The following PTPRG variants were observed in gnomAD, a reference collection of about 807,000 sequenced individuals.
PTPRG encodes the protein protein tyrosine phosphatase receptor type G.
In PTPRG, 102 loss-of-function variants were observed where a neutral mutation model predicts 165.3. That is an observed-to-expected ratio of 0.62 (90% CI 0.53 to 0.73). PTPRG has a LOEUF of 0.73. Ranked by LOEUF, PTPRG falls within the 30% of genes least tolerant of loss-of-function variation. The pLI is 0.00. For synonymous variants in PTPRG, 675 were observed against 669.5 expected (o/e 1.01, Z -0.13); for missense variants, 1,866 against 1,861.4 (o/e 1.00, Z -0.05).
chr3:61,738,322 A>T (rs6808162), intron 1 of PTPRG, among the ~76,000 whole-genome samples: 1 of 46,736 alleles, frequency 2.1e-5, no homozygotes. Context: ...ACATATATAT[A>T]TATATATATA....
chr3:61,873,835 A>C (rs1020247702), intron 2 of PTPRG, among the ~76,000 whole-genome samples: 1 of 140,674 alleles, frequency 7.1e-6, no homozygotes, highest in African/African-American at 2.5e-5. Context: ...TTCTGGGTTT[A>C]TGTCCCAGCT....
chr3:62,288,206 A>C (rs2148899213), intron 28 of PTPRG, among the ~76,000 whole-genome samples: 1 of 152,064 alleles, frequency 6.6e-6, no homozygotes, highest in South Asian at 2.1e-4. Context: ...TAAACAAACC[A>C]AGCATTCAGC....
Position 61,638,591 on chromosome 3 carries a change from GTTTTTT to G in PTPRG, c.85+76241_85+76246del, listed in dbSNP as rs34396141. ...AGGCACACACCACCATGCCTGGCTAGTTTTTTTTTTTTTTTTTTTTTTTTTTTGGGG... is the reference window on the plus strand; with the variant it reads ...AGGCACACACCACCATGCCTGGCTAGTTTTTTTTTTTTTTTTTTTTTGGGG... On this transcript the variant is annotated intron_variant, in intron 1 of 29. Transcript: ENST00000474889. 9.0e-4 allele frequency among the ~76,000 whole-genome samples: 53 copies of G among 58,720 alleles called. 2 individuals carry two copies. The South Asian group carries it at 0.039, about 43-fold the overall frequency. The allele number at this position is 58,720 out of a possible 152,430, so 38.5% of individuals were successfully genotyped here.
chr3:62,173,949 G>T (rs886626165), intron 8 of PTPRG, among the ~76,000 whole-genome samples: 4 of 152,170 alleles, frequency 2.6e-5, no homozygotes, highest in Non-Finnish European at 5.9e-5. Context: ...GCTGAAGAAA[G>T]ACTTCTATAT....
intron 2 of PTPRG, among the ~76,000 whole-genome samples, chr3:61,859,693 C>G (rs1353297451): frequency 6.6e-6 from 1 of 151,946 alleles, no homozygotes; most frequent in African/African-American, 2.4e-5. Flanking sequence ...CAAATGACCC[C>G]CATATTGAAC....
intron 4 of PTPRG, among the ~76,000 whole-genome samples, chr3:62,043,159 C>T (rs1456765115): frequency 6.6e-6 from 1 of 152,080 alleles, no homozygotes. Context: ...CTGTTTAATT[C>T]GATCACATAA....
chr3:62,236,079 C>T (rs1304746036), intron 14 of PTPRG, among the ~76,000 whole-genome samples: 1 of 152,168 alleles, frequency 6.6e-6, no homozygotes, highest in East Asian at 1.9e-4. Context: ...GGAAGAGATA[C>T]TACAAGTGTA....
chr3:61,823,190 G>A (rs1313136840), intron 2 of PTPRG, among the ~76,000 whole-genome samples: 1 of 150,994 alleles, frequency 6.6e-6, no homozygotes. Flanking sequence ...GCACAGGTTT[G>A]TTTGTTTGTT....
chr3:62,254,349 G>T lies in PTPRG; in HGVS notation c.2468-775G>T, dbSNP rs903203423. Among the ~76,000 whole-genome samples the T allele has an allele frequency of 2.0e-4, 30 of 152,062 alleles. No individual in the cohort carries two copies. The highest frequency in any genetic ancestry group is 7.2e-4 in the African/African-American group (30 of 41,428). ...GAGGTTGGGGAGCTCCAGTTAGTTGGGTGTGGCTATTTTATAGCAGTACTC... is the reference window on the plus strand; with the variant it reads ...GAGGTTGGGGAGCTCCAGTTAGTTGTGTGTGGCTATTTTATAGCAGTACTC... On this transcript the variant is annotated intron_variant, in intron 15 of 29. Coordinates refer to ENST00000474889, the MANE Select transcript of PTPRG (RefSeq NM_002841.4). The surrounding 1 kb of genome is among the most constrained non-coding windows in gnomAD (Gnocchi z 4.6).
At chr3:61,919,772 T>G (rs940375375) in intron 2 of PTPRG, among the ~76,000 whole-genome samples, 8 of 152,168 alleles carry the variant, frequency 5.3e-5, no homozygotes, top group Admixed American at 1.3e-4. Context: ...GCCATAGAGT[T>G]TTTAAATAAA....
chr3:61,654,170 T>C (rs558139333), intron 1 of PTPRG, among the ~76,000 whole-genome samples: 3 of 152,288 alleles, frequency 2.0e-5, no homozygotes, highest in East Asian at 3.9e-4. Flanking sequence ...CCGTGGAGTC[T>C]GGGATGTGGG....
chr3:62,117,828 A>G (rs565364868), intron 5 of PTPRG, among the ~76,000 whole-genome samples: 2 of 152,348 alleles, frequency 1.3e-5, no homozygotes, highest in South Asian at 2.1e-4. Context: ...TTGCAGTACA[A>G]TACATCCTAG....
chr3:61,697,709 T>TC lies in PTPRG; in HGVS notation c.86-51163dup, dbSNP rs201864132. 1.0e-3 allele frequency among the ~76,000 whole-genome samples: 152 copies of TC among 152,222 alleles called. No individual in the cohort carries two copies. In the East Asian group the frequency reaches 0.021, roughly 21 times the overall value. ...TTGTCTGTCCTTTGGGCTCATTCAT[T>TC]CCCCCCTAAAAATCATTTATTGCTC... On this transcript the variant is annotated intron_variant, in intron 1 of 29. Transcript: ENST00000474889.
intron 2 of PTPRG, among the ~76,000 whole-genome samples, chr3:61,928,276 G>T (rs2039276034): frequency 6.6e-6 from 1 of 152,162 alleles, no homozygotes; most frequent in Non-Finnish European, 1.5e-5. Flanking sequence ...GTGAAATACA[G>T]CATGCCTAGT....
chr3:61,996,701 TG>T (rs1299673393), intron 3 of PTPRG, among the ~76,000 whole-genome samples: 1 of 152,234 alleles, frequency 6.6e-6, no homozygotes, highest in Non-Finnish European at 1.5e-5. Context: ...GAATGCTAAG[TG>T]TGCTTTTGCT....
chr3:61,741,078 C>T (rs2032964123), intron 1 of PTPRG, among the ~76,000 whole-genome samples: 1 of 151,970 alleles, frequency 6.6e-6, no homozygotes, highest in Non-Finnish European at 1.5e-5. Flanking sequence ...ATACTTTTGC[C>T]CATTGTAGGC....
intron 1 of PTPRG, among the ~76,000 whole-genome samples, chr3:61,584,783 G>A (rs1318922364): frequency 3.3e-5 from 5 of 152,092 alleles, no homozygotes; most frequent in African/African-American, 9.6e-5. Flanking sequence ...GCCCTCACAC[G>A]GAATCTTATT....
intron 2 of PTPRG, among the ~76,000 whole-genome samples, chr3:61,974,518 A>G (rs1297575141): frequency 1.3e-5 from 2 of 152,052 alleles, no homozygotes; most frequent in Non-Finnish European, 2.9e-5. Flanking sequence ...ATGCCGTTGC[A>G]CTACAGCCTG....
chr3:62,028,854 A>G (rs1351147317), intron 4 of PTPRG, among the ~76,000 whole-genome samples: 1 of 152,140 alleles, frequency 6.6e-6, no homozygotes, highest in Non-Finnish European at 1.5e-5. Flanking sequence ...AGCTTCTCTT[A>G]GTTGGTGTCA....
Sources: gnomAD v4.1 joint callset for allele counts (sites outside exome capture counted in the v4.1 genomes callset) on GRCh38, gnomAD v4.1.1 for gene constraint, Gnocchi (gnomAD v3.1) non-coding constraint, MANE v1.5 for transcripts, NCBI Gene and HGNC (gene_info 2026-07-23, HGNC 2026-07-21) for gene names.